The following L3MBTL4 variants were observed in gnomAD, a reference collection of about 807,000 sequenced individuals.
L3MBTL4 encodes lethal(3)malignant brain tumor-like protein 4.
L3MBTL4 carries 70 observed loss-of-function variants against 84.5 expected under a neutral mutation model. That is an observed-to-expected ratio of 0.83 (90% CI 0.68 to 1.01). The LOEUF (loss-of-function observed/expected upper bound fraction) is 1.01, where lower values mean the gene tolerates loss of function less well. Ranked by LOEUF, L3MBTL4 falls within the 50% of genes least tolerant of loss-of-function variation. L3MBTL4 has a pLI of 0.00. For missense variants in L3MBTL4, 715 were observed against 754.8 expected, an observed-to-expected ratio of 0.95 and a Z score of 0.62; for synonymous variants, 274 against 259.8, an observed-to-expected ratio of 1.05 and a Z score of -0.52.
intron 18 of L3MBTL4, among the ~76,000 whole-genome samples, chr18:5,957,959 CA>C (rs35012817): frequency 0.05 from 6,112 of 122,806 alleles, 501 homozygotes; most frequent in African/African-American, 0.17. Flanking sequence ...GACTCCACCT[CA>C]AAAAAAAAAA....
intron 12 of L3MBTL4, among the ~76,000 whole-genome samples, chr18:6,186,819 G>C (rs1022691600): frequency 2.0e-5 from 3 of 152,210 alleles, no homozygotes; most frequent in African/African-American, 7.2e-5. Flanking sequence ...AGGCAGGGAA[G>C]CCGTGGGAGG....
At chr18:6,374,581 T>G (rs2054289854) in intron 1 of L3MBTL4, among the ~76,000 whole-genome samples, 3 of 152,130 alleles carry the variant, frequency 2.0e-5, no homozygotes, top group Non-Finnish European at 4.4e-5. Flanking sequence ...CTTCCATGAT[T>G]ACAGTCAAAA....
intron 4 of L3MBTL4, among the ~76,000 whole-genome samples, chr18:6,270,934 G>C (rs1007909262): frequency 2.0e-5 from 3 of 152,198 alleles, no homozygotes; most frequent in Admixed American, 6.5e-5. Flanking sequence ...AGGATGGAGA[G>C]ACAGGCAGTG....
intron 16 of L3MBTL4, among the ~76,000 whole-genome samples, chr18:6,053,563 T>C (rs181991086): frequency 5.1e-4 from 77 of 152,348 alleles, no homozygotes; most frequent in Admixed American, 2.2e-3. Flanking sequence ...TGCTCATTAA[T>C]GGCCTGTTCA....
chr18:6,003,626 T>C (rs1157152370), intron 16 of L3MBTL4, among the ~76,000 whole-genome samples: 1 of 152,054 alleles, frequency 6.6e-6, no homozygotes, highest in Non-Finnish European at 1.5e-5. Flanking sequence ...TGAGGCATTC[T>C]CCAGGATAGA....
intron 4 of L3MBTL4, among the ~76,000 whole-genome samples, chr18:6,284,965 A>G (rs2049500813): frequency 6.6e-6 from 1 of 152,140 alleles, no homozygotes; most frequent in African/African-American, 2.4e-5. Flanking sequence ...GCAGCCTGGC[A>G]TGGGCGGGGG....
chr18:6,319,306 C>A (rs961956271), intron 1 of L3MBTL4, among the ~76,000 whole-genome samples: 9 of 150,756 alleles, frequency 6.0e-5, no homozygotes, highest in African/African-American at 1.2e-4. Context: ...ACAACAACAA[C>A]AAAAAAGTCG....
chr18:6,263,285 GA>G (rs972577245), intron 5 of L3MBTL4, among the ~76,000 whole-genome samples: 10 of 138,500 alleles, frequency 7.2e-5, no homozygotes, highest in South Asian at 4.6e-4. Flanking sequence ...AAAAAAAAAA[GA>G]AAAAAAAAAG....
At chr18:6,296,830 T>C (rs2050127067) in intron 4 of L3MBTL4, among the ~76,000 whole-genome samples, 1 of 152,026 alleles carries the variant, frequency 6.6e-6, no homozygotes, top group Admixed American at 6.6e-5. Flanking sequence ...ATTTGAGAGA[T>C]GTCAAGAAGG....
At chr18:6,068,635 TG>T (rs1227549826) in intron 16 of L3MBTL4, among the ~76,000 whole-genome samples, 2 of 151,896 alleles carry the variant, frequency 1.3e-5, no homozygotes, top group Non-Finnish European at 2.9e-5. Context: ...AAATTGTTCC[TG>T]GAAGGCCATC....
chr18:6,401,081 G>C (rs776649626), intron 1 of L3MBTL4, among the ~76,000 whole-genome samples: 1 of 152,036 alleles, frequency 6.6e-6, no homozygotes, highest in East Asian at 1.9e-4. Flanking sequence ...ATAAAACCAC[G>C]TGCCCTACCC....
intron 4 of L3MBTL4, among the ~76,000 whole-genome samples, chr18:6,293,686 A>G (rs2049968715): frequency 6.6e-6 from 1 of 152,262 alleles, no homozygotes; most frequent in Admixed American, 6.5e-5. Flanking sequence ...CATAAATGGG[A>G]CATCCCAAAA....
Position 6,414,411 on chromosome 18 carries a change from A to AGTCCC in L3MBTL4, c.-91+385_-91+389dup, listed in dbSNP as rs1430662891. ...GGAGGACTGCCTGGGGGCCCTCAGG[A>AGTCCC]GTCCCGTCCCGTCCCGCTCCCCCGG... On this transcript the variant is annotated intron_variant, in intron 1 of 18. Transcript: ENST00000317931. This position sits in a 1 kb window ranked among gnomAD's most constrained non-coding sequence, Gnocchi z 5.4. Among the ~76,000 whole-genome samples the AGTCCC allele has an allele frequency of 2.6e-5, 4 of 151,962 alleles. No individual in the cohort carries two copies. In the East Asian group the frequency reaches 5.9e-4, roughly 22 times the overall value.
chr18:6,352,710 A>T (rs2053253840), intron 1 of L3MBTL4, among the ~76,000 whole-genome samples: 2 of 152,222 alleles, frequency 1.3e-5, no homozygotes, highest in Non-Finnish European at 2.9e-5. Flanking sequence ...ATGCAAAGGG[A>T]TGCTATATCA....
intron 1 of L3MBTL4, among the ~76,000 whole-genome samples, chr18:6,340,641 A>G (rs989304890): frequency 1.3e-5 from 2 of 151,622 alleles, no homozygotes; most frequent in Non-Finnish European, 3.0e-5. Context: ...GGATCCTGCT[A>G]ATCAGCTAGC....
intron 13 of L3MBTL4, among the ~76,000 whole-genome samples, chr18:6,165,024 C>T (rs895915085): frequency 1.2e-4 from 18 of 152,122 alleles, no homozygotes; most frequent in African/African-American, 3.9e-4. Context: ...ACAAGAACTA[C>T]GTGACGAATG....
intron 18 of L3MBTL4, among the ~76,000 whole-genome samples, chr18:5,959,363 G>T (rs1036904229): frequency 6.6e-6 from 1 of 152,160 alleles, no homozygotes; most frequent in African/African-American, 2.4e-5. Context: ...AAAGGATAAT[G>T]GTTGTAAAAT....
At chr18:6,041,114 G>C (rs1406668047) in intron 16 of L3MBTL4, among the ~76,000 whole-genome samples, 2 of 152,212 alleles carry the variant, frequency 1.3e-5, no homozygotes, top group African/African-American at 4.8e-5. Flanking sequence ...CTCCCAACCT[G>C]AAAAGATGGC....
At chr18:6,311,034 C>T (rs749271987) in intron 3 of L3MBTL4, among the ~76,000 whole-genome samples, 17 of 152,080 alleles carry the variant, frequency 1.1e-4, no homozygotes, top group Non-Finnish European at 2.5e-4. Flanking sequence ...CCTCCCTGGG[C>T]CTCCTGCCTA....
Sources: allele counts gnomAD v4.1 joint callset (sites outside exome capture counted in the v4.1 genomes callset), GRCh38; gene constraint gnomAD v4.1.1; non-coding constraint Gnocchi (gnomAD v3.1); transcripts MANE v1.5; gene names NCBI Gene and HGNC (gene_info 2026-07-23, HGNC 2026-07-21).